The following CRAT variants were observed in gnomAD, a reference collection of about 807,000 sequenced individuals.
The protein encoded by CRAT is carnitine O-acetyltransferase.
A neutral mutation model predicts 73.7 loss-of-function variants in CRAT; 66 were observed. The ratio of observed to expected loss-of-function variants is 0.90; its 90% CI spans 0.73 to 1.10. The LOEUF (loss-of-function observed/expected upper bound fraction) is 1.10. Among genes scored for constraint, CRAT ranks in the 50% least tolerant of loss-of-function variants. CRAT has a pLI of 0.00. For synonymous variants in CRAT, 321 were observed against 343.2 expected, an observed-to-expected ratio of 0.94 and a Z score of 0.71; for missense variants, 745 against 846.9, an observed-to-expected ratio of 0.88 and a Z score of 1.49.
At chr9:129,097,132 G>A (rs1847326528) in intron 12 of CRAT, 118 bp downstream of exon 12, 3 of 835,282 alleles carry the variant, frequency 3.6e-6, no homozygotes, top group Non-Finnish European at 5.4e-6. Context: ...CCAGGTTGGG[G>A]GAGATGTGGT....
At chr9:129,100,864 G>A (rs2131460053) in intron 6 of CRAT, among the ~76,000 whole-genome samples, 175 bp from the exon 7 acceptor site, 1 of 152,338 alleles carries the variant, frequency 6.6e-6, no homozygotes, top group East Asian at 1.9e-4. Flanking sequence ...TGCAGGGTGT[G>A]GGTTCAGAGC....
Position 129,110,588 on chromosome 9 carries a change from G to A in CRAT, c.-79C>T. On this transcript the variant is annotated 5_prime_UTR_variant, in exon 1 of 14. Transcript: ENST00000318080. This position sits in a 1 kb window ranked among gnomAD's most constrained non-coding sequence, Gnocchi z 5.3. Reference sequence around the variant, plus strand: ...AGTCCGCGCCGCCGCCGCCGCGGCTGGGGTCGGTGGGTCCTTGCTAGAGCC... The same window carrying A: ...AGTCCGCGCCGCCGCCGCCGCGGCTAGGGTCGGTGGGTCCTTGCTAGAGCC... 6.8e-7 allele frequency: 1 copy of A among 1,460,822 alleles called. No individual in the cohort carries two copies. The highest frequency in any genetic ancestry group is 9.1e-7 in the Non-Finnish European group (1 of 1,099,232). 90.5% of individuals were successfully genotyped at this position (1,460,822 alleles called of 1,614,324 possible). A position where few individuals can be genotyped will look rare whatever the true frequency, so the allele number is the denominator to read the frequency against.
At position 129,102,443 on chromosome 9, in the gene CRAT, G is replaced by A. The variant is rs1847737908; in HGVS notation, c.587C>T (p.Thr196Ile). ...KQDTVSNFSKTKKPPTHITVV... is the reference protein window; with the variant it reads ...KQDTVSNFSKIKKPPTHITVV... ...GGTGATGTGCGTGGGAGGCTTCTTG[G>A]TCTTGCTGAAGTTGCTGACTGTGTC... The change falls in exon 5 of 14, where the codon ACC (threonine) becomes ATC (isoleucine). Residue 196 changes from threonine (T) to isoleucine (I), a missense_variant. Physicochemically the swap from Thr to Ile is moderately conservative, Grantham distance 89. Transcript: ENST00000318080. 2 of 1,614,074 alleles carry A rather than the reference G, an allele frequency of 1.2e-6. No individual in the cohort carries two copies. Among genetic ancestry groups the A allele is most frequent in the Non-Finnish European group, 1.7e-6 (2 of 1,180,024 alleles).
At chr9:129,102,177 A>G in intron 5 of CRAT, 120 bp from the exon 6 acceptor site, 5 of 1,251,256 alleles carry the variant, frequency 4.0e-6, no homozygotes, top group Non-Finnish European at 4.4e-6. Context: ...AGTCAGGCCA[A>G]GGGTGAGAGG....
At position 129,106,859 on chromosome 9, in the gene CRAT, T is replaced by C. The variant is rs1047011457; in HGVS notation, c.291+955A>G. On this transcript the variant is annotated intron_variant, in intron 2 of 13. Transcript: ENST00000318080. This position sits in a 1 kb window ranked among gnomAD's most constrained non-coding sequence, Gnocchi z 4.0. Reference sequence around the variant, plus strand: ...ACCCCGACTTGGCAAATTCCACCCGTGCCCCCACCTCATTGGCAAGTGACA... The same window carrying C: ...ACCCCGACTTGGCAAATTCCACCCGCGCCCCCACCTCATTGGCAAGTGACA... 2.6e-5 allele frequency among the ~76,000 whole-genome samples: 4 copies of C among 152,122 alleles called. No homozygotes were observed. Among genetic ancestry groups the C allele is most frequent in the Non-Finnish European group, 5.9e-5 (4 of 68,002 alleles).
rs779107837 is a variant in CRAT, at chr9:129,096,046, C to T, written c.1617G>A (p.Met539Ile). The change falls in exon 13 of 14, where the codon ATG becomes ATA. Residue 539 changes from methionine to isoleucine, a missense_variant. Transcript: ENST00000318080. Reference protein sequence around the residue: ...EDLVSMPDIFMDTSYAIAMHF... With the variant: ...EDLVSMPDIFIDTSYAIAMHF... ...GCATGGCGATGGCGTAGGAGGTGTC[C>T]ATGAAGATGTCGGGCATGCTCACCA... 2 of 1,614,052 alleles carry T rather than the reference C, an allele frequency of 1.2e-6. No individual in the cohort carries two copies. Among genetic ancestry groups the T allele is most frequent in the South Asian group, 1.1e-5 (1 of 91,088 alleles).
intron 11 of CRAT, 69 bp from the exon 12 acceptor site, chr9:129,097,381 C>A: frequency 8.1e-7 from 1 of 1,230,998 alleles, no homozygotes; most frequent in Admixed American, 2.2e-5. Flanking sequence ...CAGTAGCCCA[C>A]CCCCACCCAG....
At chr9:129,105,258 A>C (rs1006006622) in intron 2 of CRAT, among the ~76,000 whole-genome samples, 7 of 151,892 alleles carry the variant, frequency 4.6e-5, no homozygotes, top group African/African-American at 1.7e-4. Context: ...TCATATGTTA[A>C]ATTAAAATGT....
chr9:129,107,601 A>C lies in CRAT; in HGVS notation c.291+213T>G. The C allele has an allele frequency of 1.3e-6, 1 of 748,904 alleles. No homozygotes were observed. Among genetic ancestry groups the C allele is most frequent in the Non-Finnish European group, 2.4e-6 (1 of 417,016 alleles). The allele number at this position is 748,904 out of a possible 1,614,324, so 46.4% of individuals were successfully genotyped here. A position where few individuals can be genotyped will look rare whatever the true frequency, so the allele number is the denominator to read the frequency against. On this transcript the variant is annotated intron_variant, in intron 2 of 13. Transcript: ENST00000318080. This position sits in a 1 kb window ranked among gnomAD's most constrained non-coding sequence, Gnocchi z 5.0. Reference sequence around the variant, plus strand: ...CTTGTCCACAACCTGTATCCTGTTCATTACCTTTCTCTCCTCCCTACTTGA... The same window carrying C: ...CTTGTCCACAACCTGTATCCTGTTCCTTACCTTTCTCTCCTCCCTACTTGA...
rs1439224284 is a variant in CRAT, at chr9:129,107,289, C to A, written c.291+525G>T. The A allele has an allele frequency of 1.1e-5, 3 of 283,930 alleles. No homozygotes were observed. Among genetic ancestry groups the A allele is most frequent in the Middle Eastern group, 1.1e-3 (1 of 886 alleles). The allele number at this position is 283,930 out of a possible 1,614,324, so 17.6% of individuals were successfully genotyped here. A position where few individuals can be genotyped will look rare whatever the true frequency, so the allele number is the denominator to read the frequency against. On this transcript the variant is annotated intron_variant, in intron 2 of 13. Transcript: ENST00000318080. The surrounding 1 kb of genome is among the most constrained non-coding windows in gnomAD (Gnocchi z 5.0). ...CCTTGTGATCTGCCCGCCTTGGACT[C>A]CCAAAGTGCTGGGATTATAGGTGTG...
Position 129,106,969 on chromosome 9 carries a change from TG to T in CRAT, c.291+844del, listed in dbSNP as rs1381590329. On this transcript the variant is annotated intron_variant, in intron 2 of 13. Coordinates refer to ENST00000318080, the MANE Select transcript of CRAT (RefSeq NM_000755.5). This position sits in a 1 kb window ranked among gnomAD's most constrained non-coding sequence, Gnocchi z 4.0. ...TCAGACCCAGGCTGCCACAGCTCCT[TG>T]GGGGTGATGTCACCCCTCCCCCTCG... Among the ~76,000 whole-genome samples, 1 of 152,058 alleles carries T rather than the reference TG, an allele frequency of 6.6e-6. No individual in the cohort carries two copies. The highest frequency in any genetic ancestry group is 1.5e-5 in the Non-Finnish European group (1 of 68,010).
chr9:129,099,801 T>C, intron 8 of CRAT, 65 bp downstream of exon 8: 1 of 1,291,178 alleles, frequency 7.7e-7, no homozygotes, highest in Non-Finnish European at 1.1e-6. Context: ...TAAGCTGGTC[T>C]ATCACCTGTG....
intron 1 of CRAT, chr9:129,108,686 C>T (rs1044136445): frequency 1.6e-5 from 21 of 1,293,926 alleles, no homozygotes; most frequent in Non-Finnish European, 2.0e-5. Flanking sequence ...CCAGGAGGCC[C>T]TGGAGTGGGC....
At position 129,100,600 on chromosome 9, in the gene CRAT, C is replaced by T. The variant is rs552235102; in HGVS notation, c.895G>A (p.Val299Met). The change falls in exon 7 of 14, where the codon GTG becomes ATG. Residue 299 changes from valine (V) to methionine (M), a missense_variant. Coordinates refer to ENST00000318080, the MANE Select transcript of CRAT (RefSeq NM_000755.5). Reference protein sequence around the residue: ...DATMPRVSEDVYRSHVAGQML... With the variant: ...DATMPRVSEDMYRSHVAGQML... ...TGGCCTGCCACGTGGCTGCGGTACA[C>T]GTCTTCTGAGACCCTGGGCATGGTT... is the stretch of plus-strand genomic sequence containing the variant. The T allele has an allele frequency of 7.3e-5, 118 of 1,614,094 alleles. 2 individuals are homozygous for T. In the South Asian group the frequency reaches 1.1e-3, roughly 15 times the overall value.
intron 1 of CRAT, chr9:129,108,556 G>T: frequency 9.0e-7 from 1 of 1,115,096 alleles, no homozygotes; most frequent in Non-Finnish European, 1.1e-6. Flanking sequence ...CGGGTGAGGG[G>T]CCTTGGGCTT....
At position 129,098,248 on chromosome 9, in the gene CRAT, CCTGTAGTAGGCCAG is replaced by C; in HGVS notation, c.1315_1328del (p.Leu439AspfsTer10). On this transcript the variant is annotated frameshift_variant and splice_region_variant, in exon 10 of 14. Transcript: ENST00000318080. LOFTEE classifies it high-confidence loss of function. The stretch of plus-strand genomic sequence containing the variant: ...TCCATGGGTGGGCCACAGAGGCGCA[CCTGTAGTAGGCCAG>C]CTGCAAAGCCATCTGGATGAAGGCA... The C allele has an allele frequency of 6.2e-7, 1 of 1,613,838 alleles. No individual in the cohort carries two copies. The highest frequency in any genetic ancestry group is 8.5e-7 in the Non-Finnish European group (1 of 1,179,992).
intron 2 of CRAT, among the ~76,000 whole-genome samples, chr9:129,105,266 T>A (rs1296922391): frequency 6.6e-6 from 1 of 151,962 alleles, no homozygotes; most frequent in African/African-American, 2.4e-5. Context: ...TAAATTAAAA[T>A]GTATGCCTGA....
In CRAT at chr9:129,095,464, T is replaced by C. The variant is rs762626138; in HGVS notation, c.1814A>G (p.His605Arg). The change falls in exon 14 of 14, where the codon CAT becomes CGT. Residue 605 changes from histidine (H) to arginine (R), a missense_variant. Physicochemically the swap from His to Arg is conservative, Grantham distance 29. Coordinates refer to ENST00000318080, the MANE Select transcript of CRAT (RefSeq NM_000755.5). ...CAETNAARLAHYLEKALLDMR... is the reference protein window; with the variant it reads ...CAETNAARLARYLEKALLDMR... ...GTCCAGGAGCGCCTTCTCCAGGTAA[T>C]GCGCCAGGCGGGCGGCGTTGGTCTC... 137 of 1,613,284 alleles carry C rather than the reference T, an allele frequency of 8.5e-5. No individual in the cohort carries two copies. Among genetic ancestry groups the C allele is most frequent in the Non-Finnish European group, 1.1e-4 (129 of 1,180,002 alleles).
At position 129,097,997 on chromosome 9, in the gene CRAT, G is replaced by T. The variant is rs370340293; in HGVS notation, c.1464+16C>A. Reference sequence around the variant, plus strand: ...GCTCAGGCCCAGCTCACCCACCCTCGCCCCAGACCTCTCACCGTGACGCTG... The same window carrying T: ...GCTCAGGCCCAGCTCACCCACCCTCTCCCCAGACCTCTCACCGTGACGCTG... On this transcript the variant is annotated intron_variant, in intron 11 of 13. Coordinates refer to ENST00000318080, the MANE Select transcript of CRAT (RefSeq NM_000755.5). 1.2e-6 allele frequency: 2 copies of T among 1,610,204 alleles called. No homozygotes were observed. The highest frequency in any genetic ancestry group is 8.5e-7 in the Non-Finnish European group (1 of 1,178,270).
Sources: allele counts gnomAD v4.1 joint callset (sites outside exome capture counted in the v4.1 genomes callset), GRCh38; gene constraint gnomAD v4.1.1; non-coding constraint Gnocchi (gnomAD v3.1); transcripts MANE v1.5; gene names NCBI Gene and HGNC (gene_info 2026-07-23, HGNC 2026-07-21).